PARD6G: variants seen among roughly 807,000 people sequenced by gnomAD.
The protein encoded by PARD6G is par-6 family cell polarity regulator gamma, also known as partitioning defective 6 homolog gamma.
In PARD6G, 7 loss-of-function variants were observed where a neutral mutation model predicts 10.7. The observed-to-expected ratio is 0.66, with a 90% CI of 0.37 to 1.23. The LOEUF (loss-of-function observed/expected upper bound fraction) is 1.23. PARD6G is among the 50% of genes most tolerant of loss of function. The probability of loss-of-function intolerance (pLI) is 0.02; values close to 1 mark genes in which losing one functional copy is unlikely to be tolerated. For synonymous variants in PARD6G, 287 were observed against 269.4 expected (o/e 1.07, Z -0.64); for missense variants, 548 against 571.8 (o/e 0.96, Z 0.42).
At chr18:80,206,529 T>C (rs1967055706) in intron 1 of PARD6G, among the ~76,000 whole-genome samples, 2 of 152,244 alleles carry the variant, frequency 1.3e-5, no homozygotes, top group Admixed American at 6.5e-5. Context: ...TTACTTGCTT[T>C]TGACAAAATA....
In PARD6G at chr18:80,182,793, A is replaced by C; in HGVS notation, c.295+19917T>G. The C allele has an allele frequency of 3.4e-6, 1 of 296,658 alleles. No individual in the cohort carries two copies. The highest frequency in any genetic ancestry group is 6.3e-6 in the Non-Finnish European group (1 of 159,764). 18.4% of individuals were successfully genotyped at this position (296,658 alleles called of 1,614,324 possible). ...ACGGGGCTTATCAAAGCTCTGTTTT[A>C]TTCTTTTAAAAATGACAAGTTACTA... On this transcript the variant is annotated intron_variant, in intron 2 of 2. Transcript: ENST00000353265. The surrounding 1 kb of genome is among the most constrained non-coding windows in gnomAD (Gnocchi z 4.5).
At chr18:80,168,237 G>A (rs2145248043) in intron 2 of PARD6G, among the ~76,000 whole-genome samples, 1 of 152,312 alleles carries the variant, frequency 6.6e-6, no homozygotes, top group South Asian at 2.1e-4. Context: ...CTGCCCGCAT[G>A]CAGCTGCGGT....
rs2145235585 is a variant in PARD6G at position 80,158,447 on chromosome 18, G to A, written c.*1324C>T. 6.6e-6 allele frequency: 1 copy of A among 152,378 alleles called. No homozygotes were observed. The highest frequency in any genetic ancestry group is 2.4e-5 in the African/African-American group (1 of 41,588). The allele number at this position is 152,378 out of a possible 1,614,324, so 9.4% of individuals were successfully genotyped here. A position where few individuals can be genotyped will look rare whatever the true frequency, so the allele number is the denominator to read the frequency against. ...GAAAAGGGTCATCTTAGAGGCAATA[G>A]AGGCTTACATCCCAAATGGGACTGC... On this transcript the variant is annotated 3_prime_UTR_variant, in exon 3 of 3. Coordinates refer to ENST00000353265, the MANE Select transcript of PARD6G (RefSeq NM_032510.4).
In PARD6G at chr18:80,231,505, T is replaced by A. The variant is rs563062285; in HGVS notation, c.72+15772A>T. The stretch of plus-strand genomic sequence containing the variant: ...GTTGTACAAATACAGACAGACAACA[T>A]AGCAAAGCTGCAAAGAGCCAGGCTC... On this transcript the variant is annotated intron_variant, in intron 1 of 2. Coordinates refer to ENST00000353265, the MANE Select transcript of PARD6G (RefSeq NM_032510.4). The surrounding 1 kb of genome is among the most constrained non-coding windows in gnomAD (Gnocchi z 4.2). Among the ~76,000 whole-genome samples, 5 of 152,112 alleles carry A rather than the reference T, an allele frequency of 3.3e-5. No homozygotes were observed. Among genetic ancestry groups the A allele is most frequent in the African/African-American group, 1.2e-4 (5 of 41,426 alleles).
intron 1 of PARD6G, among the ~76,000 whole-genome samples, chr18:80,218,345 A>C (rs1967192714): frequency 6.6e-6 from 1 of 152,106 alleles, no homozygotes. Flanking sequence ...AAATACACCC[A>C]TTCCAAACAG....
chr18:80,159,732 C>A lies in PARD6G; in HGVS notation c.*39G>T, dbSNP rs1027126364. ...CTGCAGGTCCTGTCCCTGTCCTTAC[C>A]GGGGAACTGGAGCTAGGATTTGGGG... On this transcript the variant is annotated 3_prime_UTR_variant, in exon 3 of 3. Transcript: ENST00000353265. The A allele has an allele frequency of 5.1e-6, 7 of 1,360,306 alleles. No homozygotes were observed. The Admixed American group carries it at 2.4e-4, about 47-fold the overall frequency. 84.3% of individuals were successfully genotyped at this position (1,360,306 alleles called of 1,614,324 possible).
In PARD6G at chr18:80,231,341, C is replaced by T. The variant is rs972022705; in HGVS notation, c.72+15936G>A. On this transcript the variant is annotated intron_variant, in intron 1 of 2. Coordinates refer to ENST00000353265, the MANE Select transcript of PARD6G (RefSeq NM_032510.4). This position sits in a 1 kb window ranked among gnomAD's most constrained non-coding sequence, Gnocchi z 4.2. ...AAAGGTAAATTCACTTAGGCAGAAG[C>T]CTCGAACTCCAGCCCGTGGAAGAAA... 3.3e-5 allele frequency among the ~76,000 whole-genome samples: 5 copies of T among 152,226 alleles called. No homozygotes were observed. Among genetic ancestry groups the T allele is most frequent in the Non-Finnish European group, 5.9e-5 (4 of 68,042 alleles).
chr18:80,235,233 C>A (rs1282459014), intron 1 of PARD6G, among the ~76,000 whole-genome samples: 2 of 152,178 alleles, frequency 1.3e-5, no homozygotes, highest in African/African-American at 4.8e-5. Flanking sequence ...TACATGGAAA[C>A]TGAACAACCT....
chr18:80,221,392 A>C (rs1432366298), intron 1 of PARD6G, among the ~76,000 whole-genome samples: 1 of 152,216 alleles, frequency 6.6e-6, no homozygotes. Flanking sequence ...ACATGAATGC[A>C]AGGTTGGTTT....
intron 2 of PARD6G, among the ~76,000 whole-genome samples, chr18:80,195,559 A>ATATATACATATATATATATATATATG (rs1379114074): frequency 1.7e-4 from 16 of 95,864 alleles, no homozygotes; most frequent in Middle Eastern, 5.6e-3. Context: ...ATATATATAT[A>ATATATACATATATATATATATATATG]TATATATATA....
At chr18:80,242,703 TATTAACTCC>T (rs1967504018) in intron 1 of PARD6G, among the ~76,000 whole-genome samples, 1 of 152,280 alleles carries the variant, frequency 6.6e-6, no homozygotes, top group South Asian at 2.1e-4. Context: ...TCCCATAACT[TATTAACTCC>T]CAAGAAAACT....
intron 1 of PARD6G, among the ~76,000 whole-genome samples, chr18:80,238,229 A>G (rs1967447441): frequency 6.6e-6 from 1 of 152,194 alleles, no homozygotes; most frequent in African/African-American, 2.4e-5. Context: ...GTGTCAGCAA[A>G]CTATCGAAAG....
intron 2 of PARD6G, among the ~76,000 whole-genome samples, chr18:80,164,007 G>A (rs1205196977): frequency 2.0e-5 from 3 of 152,250 alleles, no homozygotes; most frequent in East Asian, 3.9e-4. Context: ...CCAGCAACCT[G>A]GATGCACCAA....
At chr18:80,220,356 G>A (rs926244178) in intron 1 of PARD6G, among the ~76,000 whole-genome samples, 1 of 152,066 alleles carries the variant, frequency 6.6e-6, no homozygotes, top group South Asian at 2.1e-4. Flanking sequence ...AACTTGGGTG[G>A]GGACACAGCC....
intron 2 of PARD6G, among the ~76,000 whole-genome samples, chr18:80,171,955 C>T (rs1025653576): frequency 6.6e-6 from 1 of 152,140 alleles, no homozygotes; most frequent in East Asian, 1.9e-4. Context: ...GGGGGAAGAA[C>T]GATAGCGTGT....
At chr18:80,195,572 T>TATATATATATATATATATATATAC (rs894731117) in intron 2 of PARD6G, among the ~76,000 whole-genome samples, 65 of 87,288 alleles carry the variant, frequency 7.4e-4, no homozygotes, top group Non-Finnish European at 1.1e-3. Flanking sequence ...TATATATATA[T>TATATATATATATATATATATATAC]ACACACATTT....
chr18:80,233,473 T>C (rs992725655), intron 1 of PARD6G, among the ~76,000 whole-genome samples: 2 of 152,164 alleles, frequency 1.3e-5, no homozygotes, highest in African/African-American at 4.8e-5. Context: ...GAAGGACCAC[T>C]TTGAAGCCAG....
At chr18:80,226,151 GTTTTTTTTTT>G (rs10606939) in intron 1 of PARD6G, among the ~76,000 whole-genome samples, 7 of 76,574 alleles carry the variant, frequency 9.1e-5, no homozygotes, top group Admixed American at 6.5e-4. Flanking sequence ...AATGACTTCA[GTTTTTTTTTT>G]TTTTTTTTTT....
intron 2 of PARD6G, among the ~76,000 whole-genome samples, chr18:80,165,816 TCA>T (rs1243418327): frequency 6.6e-6 from 1 of 152,232 alleles, no homozygotes; most frequent in Non-Finnish European, 1.5e-5. Context: ...GTGCGCTGGC[TCA>T]CACCTGTAAT....
Sources: gnomAD v4.1 joint callset for allele counts (sites outside exome capture counted in the v4.1 genomes callset) on GRCh38, gnomAD v4.1.1 for gene constraint, Gnocchi (gnomAD v3.1) non-coding constraint, MANE v1.5 for transcripts, NCBI Gene and HGNC (gene_info 2026-07-23, HGNC 2026-07-21) for gene names.